The following ERBB4 variants were observed in gnomAD, a reference collection of about 807,000 sequenced individuals.
ERBB4 encodes the protein erb-b2 receptor tyrosine kinase 4, also known as receptor tyrosine-protein kinase erbB-4.
Under a neutral mutation model 158.0 loss-of-function variants are expected in ERBB4, and 42 were observed. The observed-to-expected ratio is 0.27, with a 90% confidence interval of 0.21 to 0.34. The LOEUF (loss-of-function observed/expected upper bound fraction) is 0.34, where lower values mean the gene tolerates loss of function less well. Ranked by LOEUF, ERBB4 falls within the 10% of genes least tolerant of loss-of-function variation. The pLI is 1.00. For synonymous variants in ERBB4, 583 were observed against 558.7 expected (o/e 1.04, Z -0.61); for missense variants, 1,333 against 1,624.1 (o/e 0.82, Z 3.08).
rs140420458 is a variant in ERBB4 at position 211,813,823 on chromosome 2, C to T, written c.422-25664G>A. On this transcript the variant is annotated intron_variant, in intron 3 of 27. Coordinates refer to ENST00000342788, the MANE Select transcript of ERBB4 (RefSeq NM_005235.3). ...TCCTAATGTTAAAAATACCTTTAAA[C>T]GACTCTCAAAATTAATTCATCAAAA... 8.1e-3 allele frequency among the ~76,000 whole-genome samples: 1,232 copies of T among 152,026 alleles called. 18 individuals carry two copies. The highest frequency in any genetic ancestry group is 0.028 in the African/African-American group (1,156 of 41,466).
intron 3 of ERBB4, among the ~76,000 whole-genome samples, chr2:211,802,571 GAA>G (rs1178885661): frequency 6.6e-6 from 1 of 152,184 alleles, no homozygotes; most frequent in Non-Finnish European, 1.5e-5. Flanking sequence ...GTGGAAAAGA[GAA>G]TGATGATTTA....
At chr2:211,773,625 T>TATA (rs2075782425) in intron 4 of ERBB4, among the ~76,000 whole-genome samples, 1 of 62,218 alleles carries the variant, frequency 1.6e-5, no homozygotes, top group Non-Finnish European at 3.3e-5. Flanking sequence ...TATATATATA[T>TATA]ATATATATAT....
chr2:212,196,065 T>A (rs1467318540), intron 1 of ERBB4, among the ~76,000 whole-genome samples: 1 of 152,022 alleles, frequency 6.6e-6, no homozygotes, highest in Non-Finnish European at 1.5e-5. Context: ...AATGCAGAGG[T>A]TAAGGATGCC....
At chr2:211,633,894 C>T (rs1014304312) in intron 16 of ERBB4, among the ~76,000 whole-genome samples, 4 of 152,174 alleles carry the variant, frequency 2.6e-5, no homozygotes, top group African/African-American at 9.7e-5. Context: ...GCCAGTGGCT[C>T]ACGCCTGTAA....
At chr2:211,856,479 G>A (rs71409862) in intron 3 of ERBB4, among the ~76,000 whole-genome samples, 16,569 of 151,596 alleles carry the variant, frequency 0.11, 1,210 homozygotes, top group Non-Finnish European at 0.15. Context: ...TCTGCCTCCC[G>A]GGTTCACGCC....
chr2:211,895,242 A>G (rs2079066862), intron 3 of ERBB4, among the ~76,000 whole-genome samples: 1 of 152,174 alleles, frequency 6.6e-6, no homozygotes, highest in Admixed American at 6.5e-5. Context: ...GACAACACTT[A>G]GCAATGGTCC....
chr2:212,263,309 A>C (rs2085012327), intron 1 of ERBB4, among the ~76,000 whole-genome samples: 1 of 152,122 alleles, frequency 6.6e-6, no homozygotes. Context: ...TTACCCACTC[A>C]GTTTGTGATA....
At chr2:212,489,737 T>C (rs1416140319) in intron 1 of ERBB4, among the ~76,000 whole-genome samples, 1 of 151,042 alleles carries the variant, frequency 6.6e-6, no homozygotes, top group Non-Finnish European at 1.5e-5. Context: ...ATATATATAT[T>C]ATTCTATAGA....
chr2:212,171,628 C>G (rs1575743486), intron 1 of ERBB4, among the ~76,000 whole-genome samples: 1 of 152,062 alleles, frequency 6.6e-6, no homozygotes, highest in Non-Finnish European at 1.5e-5. Context: ...TGTCTTCCCC[C>G]ATGCTGTTCT....
At chr2:211,471,219 C>G (rs564730605) in intron 20 of ERBB4, among the ~76,000 whole-genome samples, 1 of 152,130 alleles carries the variant, frequency 6.6e-6, no homozygotes, top group South Asian at 2.1e-4. Flanking sequence ...CATGGAGGCA[C>G]CAGTCACAGG....
intron 1 of ERBB4, among the ~76,000 whole-genome samples, chr2:212,517,204 C>G (rs952573066): frequency 6.6e-6 from 1 of 152,094 alleles, no homozygotes; most frequent in Non-Finnish European, 1.5e-5. Flanking sequence ...CTTTATACAA[C>G]ATTTCCATGT....
intron 19 of ERBB4, among the ~76,000 whole-genome samples, chr2:211,617,798 C>T (rs1427374269): frequency 6.6e-6 from 1 of 151,966 alleles, no homozygotes; most frequent in Non-Finnish European, 1.5e-5. Flanking sequence ...TTAAAAAAAT[C>T]AGAGTGCATA....
At chr2:211,846,077 T>C (rs2077582041) in intron 3 of ERBB4, among the ~76,000 whole-genome samples, 1 of 150,190 alleles carries the variant, frequency 6.7e-6, no homozygotes, top group Non-Finnish European at 1.5e-5. Flanking sequence ...TTATAGTGAA[T>C]ATCATTCATG....
At chr2:212,478,395 C>A (rs112323029) in intron 1 of ERBB4, among the ~76,000 whole-genome samples, 6 of 151,840 alleles carry the variant, frequency 4.0e-5, no homozygotes, top group African/African-American at 1.5e-4. Context: ...ATTTGAACTA[C>A]GAAATCCCAA....
intron 1 of ERBB4, among the ~76,000 whole-genome samples, chr2:212,243,176 T>A (rs2084178982): frequency 6.6e-6 from 1 of 152,152 alleles, no homozygotes; most frequent in Admixed American, 6.5e-5. Context: ...TAGCAGCTAA[T>A]GTTGTTTCAT....
chr2:211,819,077 T>C (rs1362881300), intron 3 of ERBB4, among the ~76,000 whole-genome samples: 1 of 152,106 alleles, frequency 6.6e-6, no homozygotes, highest in Non-Finnish European at 1.5e-5. Context: ...ACCCAAATAA[T>C]CTGATTTGAA....
chr2:211,858,062 A>T (rs2077916571), intron 3 of ERBB4, among the ~76,000 whole-genome samples: 1 of 152,194 alleles, frequency 6.6e-6, no homozygotes, highest in Non-Finnish European at 1.5e-5. Context: ...ACACACATTT[A>T]TTTACTCATA....
At chr2:211,874,070 C>T (rs866380568) in intron 3 of ERBB4, among the ~76,000 whole-genome samples, 2 of 151,944 alleles carry the variant, frequency 1.3e-5, no homozygotes, top group Non-Finnish European at 2.9e-5. Context: ...GAGGCTTAGG[C>T]GAGAGAATCA....
At chr2:212,286,472 C>A (rs1404889327) in intron 1 of ERBB4, among the ~76,000 whole-genome samples, 5 of 151,776 alleles carry the variant, frequency 3.3e-5, no homozygotes, top group Non-Finnish European at 4.4e-5. Context: ...GGACACAATA[C>A]ATATAAAATA....
Sources: gnomAD v4.1 joint callset for allele counts (sites outside exome capture counted in the v4.1 genomes callset) on GRCh38, gnomAD v4.1.1 for gene constraint, MANE v1.5 for transcripts, NCBI Gene and HGNC (gene_info 2026-07-23, HGNC 2026-07-21) for gene names.